The following ANO3 variants were observed in gnomAD, a reference collection of about 807,000 sequenced individuals.
ANO3 encodes the protein anoctamin 3.
Under a neutral mutation model 144.8 loss-of-function variants are expected in ANO3, and 99 were observed. The observed-to-expected ratio is 0.68, with a 90% CI of 0.58 to 0.81. The LOEUF is 0.81. Among genes scored for constraint, ANO3 ranks in the 30% least tolerant of loss-of-function variants. The probability of loss-of-function intolerance (pLI) is 0.00; values close to 1 mark genes in which losing one functional copy is unlikely to be tolerated. For missense variants in ANO3, 905 were observed against 1,202.2 expected, an observed-to-expected ratio of 0.75 and a Z score of 3.66; for synonymous variants, 414 against 392.6, an observed-to-expected ratio of 1.05 and a Z score of -0.64.
chr11:26,543,615 C>G (rs577294875), intron 11 of ANO3, among the ~76,000 whole-genome samples: 1 of 152,094 alleles, frequency 6.6e-6, no homozygotes, highest in Admixed American at 6.6e-5. Context: ...TCCCTCCCGC[C>G]ACACCACGAC....
At chr11:26,341,443 G>T (rs1281553123) in intron 1 of ANO3, among the ~76,000 whole-genome samples, 1 of 152,128 alleles carries the variant, frequency 6.6e-6, no homozygotes, top group African/African-American at 2.4e-5. Context: ...AGTTTCTTTA[G>T]TTATGAAAAC....
chr11:26,424,954 T>C (rs972158910), intron 1 of ANO3, among the ~76,000 whole-genome samples: 4 of 152,026 alleles, frequency 2.6e-5, no homozygotes, highest in African/African-American at 4.8e-5. Flanking sequence ...TTTTTACATA[T>C]GTATACATGT....
chr11:26,599,612 G>A lies in ANO3; in HGVS notation c.1734G>A (p.Gln578=), dbSNP rs747328385. 3.0e-5 allele frequency: 48 copies of A among 1,613,990 alleles called. No individual in the cohort carries two copies. The highest frequency in any genetic ancestry group is 3.9e-5 in the Non-Finnish European group (46 of 1,180,012). ...TGTACCGCCTGGTTGTCATGGAACA[G>A]TTTGCATCATTCAAGTGGAATTTCA... ...VVVYRLVVME[Q]FASFKWNFIK... is the part of the protein sequence containing the mutation. The change falls in exon 17 of 27, where the codon CAG becomes CAA. Residue 578 remains glutamine (Q), a synonymous_variant. Transcript: ENST00000256737.
chr11:26,464,563 T>C (rs1241033134), intron 4 of ANO3, among the ~76,000 whole-genome samples: 1 of 151,904 alleles, frequency 6.6e-6, no homozygotes, highest in Non-Finnish European at 1.5e-5. Context: ...ATTTTATTTC[T>C]TCTCAACAGT....
intron 1 of ANO3, among the ~76,000 whole-genome samples, chr11:26,315,651 A>ATCTG (rs1000251690): frequency 1.4e-5 from 2 of 140,382 alleles, no homozygotes; most frequent in South Asian, 2.4e-4. Context: ...GGACCTATCT[A>ATCTG]TCTGTCTGTC....
chr11:26,510,207 A>G (rs1318310424), intron 5 of ANO3, among the ~76,000 whole-genome samples: 1 of 152,016 alleles, frequency 6.6e-6, no homozygotes, highest in Non-Finnish European at 1.5e-5. Flanking sequence ...TTTAATGTGT[A>G]TGAAATAACA....
At chr11:26,565,738 T>C (rs762774278) in intron 14 of ANO3, 18 of 1,606,004 alleles carry the variant, frequency 1.1e-5, no homozygotes, top group South Asian at 2.2e-5. Flanking sequence ...TTTTCCATTG[T>C]TTTAAAAACT....
At chr11:26,411,048 G>T (rs992256968) in intron 1 of ANO3, among the ~76,000 whole-genome samples, 1 of 152,018 alleles carries the variant, frequency 6.6e-6, no homozygotes, top group Non-Finnish European at 1.5e-5. Context: ...GTGGAGAAAA[G>T]AGAAACATTT....
At chr11:26,417,575 G>A (rs1157909903) in intron 1 of ANO3, among the ~76,000 whole-genome samples, 1 of 152,026 alleles carries the variant, frequency 6.6e-6, no homozygotes, top group Non-Finnish European at 1.5e-5. Context: ...TCCATAGACA[G>A]AACAGAGGCA....
intron 14 of ANO3, among the ~76,000 whole-genome samples, chr11:26,595,813 G>A (rs1851609690): frequency 6.6e-6 from 1 of 152,178 alleles, no homozygotes; most frequent in Non-Finnish European, 1.5e-5. Flanking sequence ...TTTTGAGTTA[G>A]TAAGCTACTT....
chr11:26,262,772 C>T (rs1853220086), intron 1 of ANO3, among the ~76,000 whole-genome samples: 1 of 149,850 alleles, frequency 6.7e-6, no homozygotes, highest in Admixed American at 6.6e-5. Flanking sequence ...TCTCTTTCAA[C>T]CAAGTGAGGA....
At chr11:26,408,292 A>T (rs923510957) in intron 1 of ANO3, among the ~76,000 whole-genome samples, 28 of 151,520 alleles carry the variant, frequency 1.8e-4, no homozygotes, top group South Asian at 4.2e-4. Flanking sequence ...AAAACAAACA[A>T]CCCCATCAAA....
intron 4 of ANO3, among the ~76,000 whole-genome samples, chr11:26,472,008 G>C (rs1223911350): frequency 1.3e-5 from 2 of 151,764 alleles, no homozygotes; most frequent in Admixed American, 6.6e-5. Flanking sequence ...TAACTTCTCT[G>C]CAAAAAAAGT....
At chr11:26,287,515 C>A (rs1853835988) in intron 1 of ANO3, 1 of 152,184 alleles carries the variant, frequency 6.6e-6, no homozygotes. Flanking sequence ...AATCCAGGCA[C>A]TCTGGTTCCA....
chr11:26,430,720 A>G (rs1858061905), intron 1 of ANO3, among the ~76,000 whole-genome samples: 1 of 152,238 alleles, frequency 6.6e-6, no homozygotes, highest in Non-Finnish European at 1.5e-5. Context: ...ACCATTATTT[A>G]GCATAATATA....
intron 1 of ANO3, among the ~76,000 whole-genome samples, chr11:26,414,053 C>G (rs191711083): frequency 4.6e-5 from 7 of 152,126 alleles, no homozygotes; most frequent in Admixed American, 2.0e-4. Flanking sequence ...CCATCTCATG[C>G]CAGTCAGAAT....
At chr11:26,623,520 T>C (rs61878609) in intron 17 of ANO3, among the ~76,000 whole-genome samples, 4,638 of 152,224 alleles carry the variant, frequency 0.03, 101 homozygotes, top group Non-Finnish European at 0.049. Context: ...TCAGAGTATA[T>C]AGGAGAGGGG....
intron 4 of ANO3, among the ~76,000 whole-genome samples, chr11:26,492,463 G>C (rs981538525): frequency 6.6e-6 from 1 of 152,088 alleles, no homozygotes; most frequent in Non-Finnish European, 1.5e-5. Flanking sequence ...GGCAGCAGTT[G>C]TTTCTTTAAC....
rs1265931094 is a variant in ANO3, at chr11:26,663,024, A to G, written c.*2580A>G. 1 of 152,474 alleles carries G rather than the reference A, an allele frequency of 6.6e-6. No individual in the cohort carries two copies. Among genetic ancestry groups the G allele is most frequent in the African/African-American group, 2.4e-5 (1 of 41,444 alleles). 9.4% of individuals were successfully genotyped at this position (152,474 alleles called of 1,614,324 possible). On this transcript the variant is annotated 3_prime_UTR_variant, in exon 27 of 27. Transcript: ENST00000256737. ...AAGCAAATAACTAATATATATGTGC[A>G]TGCAGTCTGCCTTGACAAGTTGTTC...
Sources: allele counts gnomAD v4.1 joint callset (sites outside exome capture counted in the v4.1 genomes callset), GRCh38; gene constraint gnomAD v4.1.1; transcripts MANE v1.5; gene names NCBI Gene and HGNC (gene_info 2026-07-23, HGNC 2026-07-21).